PXDNL: variants seen among roughly 807,000 people sequenced by gnomAD.
PXDNL encodes peroxidasin like, also known as probable oxidoreductase PXDNL.
Under a neutral mutation model 150.8 loss-of-function variants are expected in PXDNL, and 145 were observed. The ratio of observed to expected loss-of-function variants is 0.96; its 90% confidence interval spans 0.84 to 1.10. The LOEUF (loss-of-function observed/expected upper bound fraction) is 1.10, where lower values mean the gene tolerates loss of function less well. Among genes scored for constraint, PXDNL ranks in the 50% least tolerant of loss-of-function variants. PXDNL has a pLI of 0.00. For synonymous variants in PXDNL, 757 were observed against 725.7 expected (o/e 1.04, Z -0.69); for missense variants, 2,087 against 1,873.9 (o/e 1.11, Z -2.10).
Position 51,322,328 on chromosome 8 carries a change from G to GA in PXDNL, c.4147-1432dup, listed in dbSNP as rs34244992. 4.6e-4 allele frequency among the ~76,000 whole-genome samples: 68 copies of GA among 148,604 alleles called. No individual in the cohort carries two copies. In the South Asian group the frequency reaches 4.9e-3, roughly 11 times the overall value. ...AGGGAAAAGGCATTTCAGGCAAATG[G>GA]AAAAAAAAAAATATGTGTTAAAGCA... On this transcript the variant is annotated intron_variant, in intron 21 of 22. Transcript: ENST00000356297.
At chr8:51,385,738 T>G (rs1350957737) in intron 17 of PXDNL, among the ~76,000 whole-genome samples, 1 of 152,196 alleles carries the variant, frequency 6.6e-6, no homozygotes, top group Non-Finnish European at 1.5e-5. Context: ...GGAAGATAAC[T>G]GAATCATAGG....
In PXDNL at chr8:51,600,665, TA is replaced by T. The variant is rs1177726537; in HGVS notation, c.237-7968del. Among the ~76,000 whole-genome samples, 5 of 138,560 alleles carry T rather than the reference TA, an allele frequency of 3.6e-5. 1 individual carries two copies. In the East Asian group the frequency reaches 1.0e-3, roughly 29 times the overall value. 90.9% of individuals were successfully genotyped at this position (138,560 alleles called of 152,430 possible). A position where few individuals can be genotyped will look rare whatever the true frequency, so the allele number is the denominator to read the frequency against. ...GTTAGATAATAAATTATATCTTATA[TA>T]AATTATATAATTTATATGATAAATT... On this transcript the variant is annotated intron_variant, in intron 2 of 22. Transcript: ENST00000356297.
intron 21 of PXDNL, among the ~76,000 whole-genome samples, 186 bp downstream of exon 21, chr8:51,339,438 G>A (rs28522270): frequency 0.25 from 37,966 of 151,938 alleles, 5,147 homozygotes; most frequent in African/African-American, 0.33. Flanking sequence ...CCATCCGGCC[G>A]ACAGAACAAG....
intron 1 of PXDNL, among the ~76,000 whole-genome samples, chr8:51,688,764 G>A (rs888604699): frequency 6.6e-6 from 1 of 152,142 alleles, no homozygotes; most frequent in African/African-American, 2.4e-5. Context: ...AACCTGAGGG[G>A]AACAGATGTT....
chr8:51,487,044 C>T (rs561984601), intron 5 of PXDNL, among the ~76,000 whole-genome samples: 1 of 151,620 alleles, frequency 6.6e-6, no homozygotes, highest in African/African-American at 2.4e-5. Context: ...CGGCCCGCCC[C>T]GGCTTCCCAA....
intron 2 of PXDNL, among the ~76,000 whole-genome samples, chr8:51,620,984 G>T (rs538120375): frequency 6.6e-6 from 1 of 152,280 alleles, no homozygotes; most frequent in African/African-American, 2.4e-5. Context: ...TACCAATGTT[G>T]TTTGCCCTTT....
intron 2 of PXDNL, 52 bp downstream of exon 2, chr8:51,654,637 T>A: frequency 1.4e-6 from 2 of 1,386,444 alleles, no homozygotes; most frequent in Non-Finnish European, 2.0e-6. Context: ...TAAATTGCCA[T>A]CCAACCAGCA....
chr8:51,388,050 TAAATC>T (rs1807775921), intron 17 of PXDNL, among the ~76,000 whole-genome samples: 1 of 152,182 alleles, frequency 6.6e-6, no homozygotes, highest in Admixed American at 6.5e-5. Flanking sequence ...TTTCAGCTAA[TAAATC>T]AAGTAGGTTA....
At chr8:51,445,453 C>A (rs1009807952) in intron 12 of PXDNL, among the ~76,000 whole-genome samples, 1 of 152,178 alleles carries the variant, frequency 6.6e-6, no homozygotes, top group African/African-American at 2.4e-5. Flanking sequence ...TATTTTCTCA[C>A]CTACGGATAT....
chr8:51,797,392 T>G (rs1053619558), intron 1 of PXDNL, among the ~76,000 whole-genome samples: 3 of 152,220 alleles, frequency 2.0e-5, no homozygotes, highest in African/African-American at 7.2e-5. Flanking sequence ...ATGTCTCTGT[T>G]TGCAGATGAC....
intron 2 of PXDNL, among the ~76,000 whole-genome samples, chr8:51,620,704 C>T (rs372337512): frequency 0.011 from 383 of 34,516 alleles, 3 homozygotes; most frequent in African/African-American, 0.042. Flanking sequence ...CTGCCACGCC[C>T]GGCTAATTTT....
At chr8:51,756,387 A>C (rs1466879192) in intron 1 of PXDNL, among the ~76,000 whole-genome samples, 2 of 147,308 alleles carry the variant, frequency 1.4e-5, no homozygotes, top group Non-Finnish European at 3.0e-5. Flanking sequence ...GTGAGACCCC[A>C]TCACAGAAAA....
At chr8:51,537,763 G>C (rs1446910757) in intron 4 of PXDNL, among the ~76,000 whole-genome samples, 2 of 152,134 alleles carry the variant, frequency 1.3e-5, no homozygotes, top group Non-Finnish European at 2.9e-5. Flanking sequence ...TACATCATAC[G>C]GGTTTTATCT....
intron 17 of PXDNL, among the ~76,000 whole-genome samples, chr8:51,375,110 A>C (rs1031728077): frequency 2.0e-5 from 3 of 152,250 alleles, no homozygotes; most frequent in Non-Finnish European, 4.4e-5. Context: ...ATAGAAAATT[A>C]ACAATTCAGC....
At chr8:51,545,527 G>C (rs1812339964) in intron 4 of PXDNL, among the ~76,000 whole-genome samples, 1 of 152,068 alleles carries the variant, frequency 6.6e-6, no homozygotes, top group Non-Finnish European at 1.5e-5. Context: ...AAACATATTG[G>C]CTCATGGCTC....
At position 51,468,881 on chromosome 8, in the gene PXDNL, T is replaced by C. The variant is rs1810260873; in HGVS notation, c.812+3306A>G. Among the ~76,000 whole-genome samples, 4 of 151,946 alleles carry C rather than the reference T, an allele frequency of 2.6e-5. No individual in the cohort carries two copies. In the South Asian group the frequency reaches 8.3e-4, roughly 31 times the overall value. On this transcript the variant is annotated intron_variant, in intron 8 of 22. Transcript: ENST00000356297. ...CTTCTATTAATATTGTCTAACGTTC[T>C]ACTTTTTTCTTACTTTAAAGTTGTT...
intron 2 of PXDNL, among the ~76,000 whole-genome samples, chr8:51,623,473 A>G (rs1814298793): frequency 1.3e-5 from 2 of 152,180 alleles, no homozygotes; most frequent in Admixed American, 1.3e-4. Context: ...TCCACCTAGA[A>G]GCACATGTGT....
intron 1 of PXDNL, among the ~76,000 whole-genome samples, chr8:51,735,526 GTTTTTTTTTTTTT>G (rs777986365): frequency 4.9e-4 from 20 of 41,070 alleles, no homozygotes; most frequent in African/African-American, 9.8e-4. Context: ...ATTAAAAATT[GTTTTTTTTTTTTT>G]TTTTTTTTTT....
intron 1 of PXDNL, among the ~76,000 whole-genome samples, chr8:51,805,605 G>A (rs2129266193): frequency 6.6e-6 from 1 of 151,768 alleles, no homozygotes; most frequent in South Asian, 2.1e-4. Context: ...CCCCCATCTT[G>A]TTCCTCAAGT....
Sources: gnomAD v4.1 joint callset for allele counts (sites outside exome capture counted in the v4.1 genomes callset) on GRCh38, gnomAD v4.1.1 for gene constraint, MANE v1.5 for transcripts, NCBI Gene and HGNC (gene_info 2026-07-23, HGNC 2026-07-21) for gene names.